NDUFAF6: variants seen among roughly 807,000 people sequenced by gnomAD.
NDUFAF6 encodes NADH dehydrogenase (ubiquinone) complex I, assembly factor 6.
Under a neutral mutation model 40.8 loss-of-function variants are expected in NDUFAF6, and 45 were observed. The observed-to-expected ratio is 1.10, with a 90% CI of 0.87 to 1.42. The LOEUF is 1.42. Ranked by LOEUF, NDUFAF6 falls within the 40% of genes most tolerant of loss-of-function variation. NDUFAF6 has a pLI of 0.00. For synonymous variants in NDUFAF6, 185 were observed against 155.9 expected (o/e 1.19, Z -1.39); for missense variants, 435 against 418.5 (o/e 1.04, Z -0.34).
chr8:95,066,611 C>G (rs1484211058), intron 9 of NDUFAF6, among the ~76,000 whole-genome samples: 1 of 152,124 alleles, frequency 6.6e-6, no homozygotes, highest in African/African-American at 2.4e-5. Flanking sequence ...TCAGTTCTCT[C>G]TTTCACTGTG....
In NDUFAF6 at chr8:95,052,327, C is replaced by G. The variant is rs7842100; in HGVS notation, c.873+97C>G. 7 of 1,338,158 alleles carry G rather than the reference C, an allele frequency of 5.2e-6. No homozygotes were observed. The African/African-American group carries it at 5.8e-5, about 11-fold the overall frequency. The allele number at this position is 1,338,158 out of a possible 1,614,324, so 82.9% of individuals were successfully genotyped here. A position where few individuals can be genotyped will look rare whatever the true frequency, so the allele number is the denominator to read the frequency against. On this transcript the variant is annotated intron_variant, in intron 8 of 8. Coordinates refer to ENST00000396124, the MANE Select transcript of NDUFAF6 (RefSeq NM_152416.4). ...AAGTTCCCAATGAACTTCTTTAGTTCGGAGCCTTTGTTTTTGTTTCCCTCC... is the reference window on the plus strand; with the variant it reads ...AAGTTCCCAATGAACTTCTTTAGTTGGGAGCCTTTGTTTTTGTTTCCCTCC...
At chr8:95,115,088 A>G (rs1425705273) in intron 4 of NDUFAF6, among the ~76,000 whole-genome samples, 1 of 151,816 alleles carries the variant, frequency 6.6e-6, no homozygotes, top group African/African-American at 2.4e-5. Flanking sequence ...GTCTATTGAG[A>G]TAGGCTTGCA....
intron 2 of NDUFAF6, among the ~76,000 whole-genome samples, chr8:95,017,052 C>T (rs1258902213): frequency 6.6e-6 from 1 of 151,226 alleles, no homozygotes; most frequent in East Asian, 1.9e-4. Flanking sequence ...GTTGCCTCAG[C>T]CTCCCGAGTA....
intron 1 of NDUFAF6, among the ~76,000 whole-genome samples, chr8:94,938,927 G>C (rs900080657): frequency 6.6e-5 from 10 of 152,340 alleles, no homozygotes; most frequent in Admixed American, 5.9e-4. Flanking sequence ...ATGGGAGGCA[G>C]TCTTTTGGGA....
intron 2 of NDUFAF6, among the ~76,000 whole-genome samples, chr8:95,095,225 T>C (rs1044040517): frequency 1.3e-5 from 2 of 152,198 alleles, no homozygotes; most frequent in Non-Finnish European, 1.5e-5. Context: ...GCATCTATGA[T>C]TAATTTGCAC....
At chr8:94,930,382 A>G in intron 1 of NDUFAF6, 7 of 1,504,036 alleles carry the variant, frequency 4.7e-6, no homozygotes, top group East Asian at 2.3e-5. Context: ...TTGGTTATCA[A>G]TTGGTTGTAA....
chr8:95,010,164 C>G (rs1185480958), intron 2 of NDUFAF6, among the ~76,000 whole-genome samples: 2 of 152,182 alleles, frequency 1.3e-5, no homozygotes, highest in Non-Finnish European at 2.9e-5. Context: ...TCTCGGCTCA[C>G]TGTAACCTCC....
At chr8:95,104,284 TCA>T (rs1809749059), downstream of NDUFAF6, among the ~76,000 whole-genome samples, 1 of 152,240 alleles carries the variant, frequency 6.6e-6, no homozygotes, top group Non-Finnish European at 1.5e-5. Context: ...CTTGGGATCC[TCA>T]TTCTTCCGTG....
chr8:94,949,325 C>T (rs189548874), intron 2 of NDUFAF6: 3,511 of 150,908 alleles, frequency 0.023, 58 homozygotes, highest in African/African-American at 0.041. Context: ...CCTCGGGTCG[C>T]TGCGCCCAGG....
Position 95,111,688 on chromosome 8 carries a change from A to C in NDUFAF6, n.345-3848A>C, listed in dbSNP as rs192238742. Among the ~76,000 whole-genome samples the C allele has an allele frequency of 2.2e-3, 330 of 152,290 alleles. 3 individuals carry two copies. The highest frequency in any genetic ancestry group is 4.0e-3 in the Non-Finnish European group (269 of 68,024). ...CACCAGTATCTTGACCAAAATAGTC[A>C]TCTGGGATCCACCATGGCCAGCTGT... On this transcript the variant is annotated intron_variant and non_coding_transcript_variant, in intron 4 of 5. Transcript: ENST00000523184.
chr8:94,954,817 G>A (rs1468482025), upstream of NDUFAF6, among the ~76,000 whole-genome samples: 1 of 152,194 alleles, frequency 6.6e-6, no homozygotes, highest in African/African-American at 2.4e-5. Flanking sequence ...TTGTTTTGCT[G>A]TCTTTTTGGC....
chr8:95,084,956 G>GA (rs1259897803), intron 2 of NDUFAF6, among the ~76,000 whole-genome samples: 2 of 152,166 alleles, frequency 1.3e-5, no homozygotes, highest in African/African-American at 2.4e-5. Flanking sequence ...AGATCTACCT[G>GA]AAAATCTCTA....
intron 1 of NDUFAF6, among the ~76,000 whole-genome samples, chr8:94,938,621 T>A (rs1563729113): frequency 1.3e-5 from 2 of 152,186 alleles, no homozygotes. Flanking sequence ...ATTTAATCAA[T>A]TATGCCTATG....
chr8:94,918,991 C>CA (rs912089376), intron 1 of NDUFAF6, among the ~76,000 whole-genome samples: 4 of 152,162 alleles, frequency 2.6e-5, no homozygotes, highest in East Asian at 1.9e-4. Flanking sequence ...AATTCAATGG[C>CA]AAAAAAACTT....
chr8:94,932,974 T>C (rs552098011), intron 1 of NDUFAF6, among the ~76,000 whole-genome samples: 21 of 152,310 alleles, frequency 1.4e-4, no homozygotes, highest in Admixed American at 1.2e-3. Context: ...CCCAGAACTT[T>C]GGGAGGTCAA....
At chr8:95,036,326 A>G in intron 3 of NDUFAF6, 2 of 1,287,300 alleles carry the variant, frequency 1.6e-6, no homozygotes, top group Non-Finnish European at 2.0e-6. Flanking sequence ...GGGTTTCTGT[A>G]ACAGGAGCCA....
chr8:95,039,181 A>G (rs1434708840), intron 3 of NDUFAF6, among the ~76,000 whole-genome samples: 1 of 150,224 alleles, frequency 6.7e-6, no homozygotes, highest in Non-Finnish European at 1.5e-5. Flanking sequence ...GTGGCCAGGC[A>G]CGTTGGCTCA....
chr8:95,082,306 G>A (rs917279214), intron 2 of NDUFAF6, among the ~76,000 whole-genome samples: 4 of 152,024 alleles, frequency 2.6e-5, no homozygotes, highest in African/African-American at 9.7e-5. Flanking sequence ...ACGAGACCCT[G>A]TCTCATTAAA....
At chr8:94,962,479 C>T (rs1823655676) in intron 1 of NDUFAF6, among the ~76,000 whole-genome samples, 1 of 152,158 alleles carries the variant, frequency 6.6e-6, no homozygotes, top group African/African-American at 2.4e-5. Flanking sequence ...TTTTAGTAGA[C>T]ATGGGGTTTT....
Sources: allele counts gnomAD v4.1 joint callset (sites outside exome capture counted in the v4.1 genomes callset), GRCh38; gene constraint gnomAD v4.1.1; transcripts MANE v1.5; gene names NCBI Gene and HGNC (gene_info 2026-07-23, HGNC 2026-07-21).